Variants in FANCA observed in about 807,000 individuals in gnomAD.
FANCA encodes the protein FA complementation group A.
Under a neutral mutation model 194.3 loss-of-function variants are expected in FANCA, and 236 were observed. The ratio of observed to expected loss-of-function variants is 1.21; its 90% CI spans 1.09 to 1.35. The LOEUF is 1.35. Ranked by LOEUF, FANCA falls within the 40% of genes most tolerant of loss-of-function variation. The probability of loss-of-function intolerance (pLI) is 0.00; values close to 1 mark genes in which losing one functional copy is unlikely to be tolerated. For missense variants in FANCA, 2,628 were observed against 1,813.9 expected (o/e 1.45, Z -8.15); for synonymous variants, 1,014 against 715.8 (o/e 1.42, Z -6.65).
intron 35 of FANCA, 82 bp downstream of exon 35, chr16:89,746,502 C>G: frequency 9.3e-7 from 1 of 1,080,300 alleles, no homozygotes; most frequent in South Asian, 1.3e-5. Context: ...GTGATGGAGA[C>G]GTGCTGCAGA....
chr16:89,813,764 A>G (rs1052336666), intron 3 of FANCA, among the ~76,000 whole-genome samples: 1 of 150,942 alleles, frequency 6.6e-6, no homozygotes, highest in African/African-American at 2.5e-5. Flanking sequence ...TTTGTTTCCA[A>G]TGTGTCTCCA....
At chr16:89,796,699 G>T (rs559992286) in intron 10 of FANCA, among the ~76,000 whole-genome samples, 1 of 152,142 alleles carries the variant, frequency 6.6e-6, no homozygotes. Flanking sequence ...ACCAGCAAGC[G>T]GCACTTTATG....
intron 28 of FANCA, among the ~76,000 whole-genome samples, chr16:89,763,787 G>A (rs573729148): frequency 1.3e-5 from 2 of 151,858 alleles, no homozygotes; most frequent in Non-Finnish European, 2.9e-5. Context: ...ACAAAACTTA[G>A]CCAGGCGTGG....
At chr16:89,746,162 G>A (rs2038380672) in intron 35 of FANCA, among the ~76,000 whole-genome samples, 1 of 152,188 alleles carries the variant, frequency 6.6e-6, no homozygotes, top group Non-Finnish European at 1.5e-5. Context: ...TGAAGTCTCT[G>A]CTCCGAAGTC....
At chr16:89,805,523 G>C in intron 6 of FANCA, 131 bp from the exon 7 acceptor site, 2 of 679,346 alleles carry the variant, frequency 2.9e-6, no homozygotes, top group Non-Finnish European at 5.4e-6. Flanking sequence ...GTGCAGTGGC[G>C]CAATCAGTCA....
chr16:89,801,465 T>C (rs1450306360), intron 8 of FANCA, among the ~76,000 whole-genome samples: 1 of 151,880 alleles, frequency 6.6e-6, no homozygotes, highest in Non-Finnish European at 1.5e-5. Flanking sequence ...AAATAACAAA[T>C]GCTGGTGAGA....
intron 7 of FANCA, among the ~76,000 whole-genome samples, chr16:89,804,760 A>G (rs8053979): frequency 0.86 from 131,163 of 152,196 alleles, 57,119 homozygotes; most frequent in East Asian, 1. Flanking sequence ...AAGGCCAGGC[A>G]TAGTGGCTCA....
At chr16:89,808,473 A>G in intron 5 of FANCA, 106 bp from the exon 6 acceptor site, 1 of 1,161,312 alleles carries the variant, frequency 8.6e-7, no homozygotes, top group South Asian at 1.3e-5. Context: ...TAGGTTCTTA[A>G]CCATGCCGTA....
At chr16:89,810,156 G>A (rs1322532509) in intron 5 of FANCA, among the ~76,000 whole-genome samples, 3 of 151,236 alleles carry the variant, frequency 2.0e-5, no homozygotes, top group East Asian at 4.0e-4. Context: ...CCCCGTCTCT[G>A]CTAAAAAATA....
chr16:89,798,220 C>G lies in FANCA; in HGVS notation c.893+946G>C, dbSNP rs531612461. The G allele has an allele frequency of 1.2e-5, 5 of 432,982 alleles. No homozygotes were observed. In the South Asian group the frequency reaches 5.0e-4, roughly 43 times the overall value. The allele number at this position is 432,982 out of a possible 1,614,324, so 26.8% of individuals were successfully genotyped here. On this transcript the variant is annotated intron_variant, in intron 10 of 42. Transcript: ENST00000389301. ...CTGCAAGCCAGGAAGAGGGTCCTCA[C>G]CAGAACCCAACCCTAGGGGCACCCT...
At chr16:89,762,200 C>G (rs1204175434) in intron 28 of FANCA, among the ~76,000 whole-genome samples, 178 bp from the exon 29 acceptor site, 1 of 152,238 alleles carries the variant, frequency 6.6e-6, no homozygotes, top group Non-Finnish European at 1.5e-5. Context: ...AGAATGATTT[C>G]TTACAGGATT....
intron 15 of FANCA, 131 bp from the exon 16 acceptor site, chr16:89,783,233 G>A (rs980111745): frequency 5.4e-6 from 4 of 735,532 alleles, no homozygotes; most frequent in Non-Finnish European, 2.5e-6. Flanking sequence ...AGACTTATGA[G>A]TATGCAAAGC....
chr16:89,805,497 T>A, intron 6 of FANCA, 105 bp from the exon 7 acceptor site: 1 of 806,704 alleles, frequency 1.2e-6, no homozygotes, highest in Non-Finnish European at 2.1e-6. Flanking sequence ...AGTTTTTTGC[T>A]GTCACTGAGG....
chr16:89,815,198 G>T (rs1033997711), intron 2 of FANCA, among the ~76,000 whole-genome samples: 40 of 151,634 alleles, frequency 2.6e-4, no homozygotes, highest in Non-Finnish European at 4.0e-4. Flanking sequence ...TACCATACCC[G>T]GCTAATTTTT....
intron 6 of FANCA, among the ~76,000 whole-genome samples, chr16:89,806,317 T>C (rs913664218): frequency 6.6e-6 from 1 of 151,838 alleles, no homozygotes; most frequent in East Asian, 1.9e-4. Context: ...TCAGGTCAGC[T>C]GGTTTGCAGC....
At chr16:89,762,123 C>A (rs1331341277) in intron 28 of FANCA, 101 bp from the exon 29 acceptor site, 6 of 883,140 alleles carry the variant, frequency 6.8e-6, no homozygotes, top group Non-Finnish European at 1.2e-5. Flanking sequence ...ACGCAGTCCT[C>A]CATGTCCCTG....
At chr16:89,774,371 C>T (rs1257714879) in intron 21 of FANCA, among the ~76,000 whole-genome samples, 1 of 152,080 alleles carries the variant, frequency 6.6e-6, no homozygotes, top group Non-Finnish European at 1.5e-5. Context: ...GCAAACGCCT[C>T]ACACCGCAGG....
Position 89,762,027 on chromosome 16 carries a change from GAA to G in FANCA, c.2779-7_2779-6del. The G allele has an allele frequency of 1.2e-6, 2 of 1,610,924 alleles. No individual in the cohort carries two copies. Among genetic ancestry groups the G allele is most frequent in the South Asian group, 1.1e-5 (1 of 91,024 alleles). Reference sequence around the variant, plus strand: ...TAACCAGTCTTGGTAAGTTAACTGAGAAAGAGAGCAAGCAATTCAATACAATG... The same window carrying G: ...TAACCAGTCTTGGTAAGTTAACTGAGAGAGAGCAAGCAATTCAATACAATG... On this transcript the variant is annotated splice_polypyrimidine_tract_variant and splice_region_variant and intron_variant, in intron 28 of 42. Coordinates refer to ENST00000389301, the MANE Select transcript of FANCA (RefSeq NM_000135.4).
Position 89,769,834 on chromosome 16 carries a change from C to T in FANCA, c.2504+3G>A, listed in dbSNP as rs2039260426. 6.2e-7 allele frequency: 1 copy of T among 1,614,002 alleles called. No homozygotes were observed. The highest frequency in any genetic ancestry group is 8.5e-7 in the Non-Finnish European group (1 of 1,179,994). ...AAGACGCGACTGTGGAAGAAGAGCT[C>T]ACTTCAGGCAGAAGAACAAGGAATC... On this transcript the variant is annotated splice_donor_region_variant and intron_variant, in intron 26 of 42. Coordinates refer to ENST00000389301, the MANE Select transcript of FANCA (RefSeq NM_000135.4).
Sources: allele counts gnomAD v4.1 joint callset (sites outside exome capture counted in the v4.1 genomes callset), GRCh38; gene constraint gnomAD v4.1.1; transcripts MANE v1.5; gene names NCBI Gene and HGNC (gene_info 2026-07-23, HGNC 2026-07-21).